The following KRT23 variants were observed in gnomAD, a reference collection of about 807,000 sequenced individuals.
The protein encoded by KRT23 is keratin 23, also known as keratin, type I cytoskeletal 23.
Under a neutral mutation model 47.6 loss-of-function variants are expected in KRT23, and 38 were observed. The ratio of observed to expected loss-of-function variants is 0.80; its 90% CI spans 0.62 to 1.05. KRT23 has a LOEUF of 1.05. Among genes scored for constraint, KRT23 ranks in the 50% least tolerant of loss-of-function variants. The pLI, the probability that KRT23 is intolerant of heterozygous loss-of-function variation, is 0.00. For missense variants in KRT23, 503 were observed against 529.5 expected (o/e 0.95, Z 0.49); for synonymous variants, 191 against 199.0 (o/e 0.96, Z 0.34).
intron 2 of KRT23, among the ~76,000 whole-genome samples, chr17:40,934,787 T>A (rs1320156861): frequency 6.6e-6 from 1 of 152,222 alleles, no homozygotes; most frequent in Non-Finnish European, 1.5e-5. Flanking sequence ...ACAGGGTTCT[T>A]GCAGAATCAA....
Position 40,922,930 on chromosome 17 carries a change from T to C in KRT23, c.*59A>G, listed in dbSNP as rs1407870093. 18 of 1,216,122 alleles carry C rather than the reference T, an allele frequency of 1.5e-5. No homozygotes were observed. The highest frequency in any genetic ancestry group is 1.7e-5 in the Non-Finnish European group (14 of 819,000). 75.3% of individuals were successfully genotyped at this position (1,216,122 alleles called of 1,614,324 possible). Reference sequence around the variant, plus strand: ...TTTAGAACTCACTCACTGGTGTCTGTGCAAGGACTTTCCTTGGGGGAAAAT... The same window carrying C: ...TTTAGAACTCACTCACTGGTGTCTGCGCAAGGACTTTCCTTGGGGGAAAAT... On this transcript the variant is annotated 3_prime_UTR_variant, in exon 9 of 9. Coordinates refer to ENST00000209718, the MANE Select transcript of KRT23 (RefSeq NM_015515.5).
At chr17:40,923,558 T>C (rs575856817) in intron 8 of KRT23, among the ~76,000 whole-genome samples, 1 of 152,360 alleles carries the variant, frequency 6.6e-6, no homozygotes, top group African/African-American at 2.4e-5. Context: ...TAAGTGCCTG[T>C]TGAAACATCA....
At chr17:40,924,906 T>C (rs1404356222) in intron 7 of KRT23, among the ~76,000 whole-genome samples, 1 of 152,200 alleles carries the variant, frequency 6.6e-6, no homozygotes, top group Non-Finnish European at 1.5e-5. Context: ...ATAGAATATA[T>C]ATGCCCTTTA....
At chr17:40,923,340 T>C (rs956706200) in intron 8 of KRT23, among the ~76,000 whole-genome samples, 8 of 152,202 alleles carry the variant, frequency 5.3e-5, no homozygotes, top group Non-Finnish European at 8.8e-5. Flanking sequence ...GTGCCTCATA[T>C]GGAACCTAGT....
At chr17:40,924,429 T>C (rs1909097878) in intron 8 of KRT23, 43 bp downstream of exon 8, 1 of 1,527,022 alleles carries the variant, frequency 6.5e-7, no homozygotes, top group East Asian at 2.2e-5. Flanking sequence ...ACCATGCTAA[T>C]TCCTTAAAAA....
chr17:40,929,078 G>A (rs1412366827), intron 4 of KRT23, among the ~76,000 whole-genome samples: 1 of 146,898 alleles, frequency 6.8e-6, no homozygotes, highest in Non-Finnish European at 1.5e-5. Flanking sequence ...TAATCAAATA[G>A]CCTCCATGAT....
intron 2 of KRT23, among the ~76,000 whole-genome samples, chr17:40,934,542 A>T (rs565911329): frequency 6.6e-6 from 1 of 152,318 alleles, no homozygotes; most frequent in Admixed American, 6.5e-5. Context: ...CACAGTTGTG[A>T]GGATTAAATG....
At chr17:40,924,649 A>G (rs1439050943) in intron 7 of KRT23, 146 bp from the exon 8 acceptor site, 29 of 673,090 alleles carry the variant, frequency 4.3e-5, no homozygotes, top group Admixed American at 2.6e-5. Flanking sequence ...TCTCAAGGTC[A>G]TGGGTTCACG....
At chr17:40,929,210 A>T (rs1458194123) in intron 4 of KRT23, among the ~76,000 whole-genome samples, 1 of 151,666 alleles carries the variant, frequency 6.6e-6, no homozygotes, top group African/African-American at 2.4e-5. Flanking sequence ...TGAACCTTAC[A>T]GGCTATAGGC....
At chr17:40,933,808 A>G (rs912525501) in intron 2 of KRT23, among the ~76,000 whole-genome samples, 4 of 152,248 alleles carry the variant, frequency 2.6e-5, no homozygotes, top group African/African-American at 9.6e-5. Flanking sequence ...GAGAAACGAT[A>G]TATGAGGCAT....
chr17:40,935,513 G>A (rs1172882839), intron 2 of KRT23, among the ~76,000 whole-genome samples: 1 of 152,002 alleles, frequency 6.6e-6, no homozygotes, highest in African/African-American at 2.4e-5. Context: ...TTTTGAACAA[G>A]GTCTTTATAG....
intron 2 of KRT23, among the ~76,000 whole-genome samples, chr17:40,933,115 TA>T (rs1240356937): frequency 6.6e-6 from 1 of 152,222 alleles, no homozygotes; most frequent in African/African-American, 2.4e-5. Flanking sequence ...CCTTTCTTTT[TA>T]AAAATCTAGC....
chr17:40,934,206 C>T (rs1265225009), intron 2 of KRT23, among the ~76,000 whole-genome samples: 1 of 152,162 alleles, frequency 6.6e-6, no homozygotes, highest in Non-Finnish European at 1.5e-5. Context: ...AATTGTGGGA[C>T]CTCCTTGCAC....
At chr17:40,924,135 C>T (rs778734923) in intron 8 of KRT23, among the ~76,000 whole-genome samples, 1 of 152,190 alleles carries the variant, frequency 6.6e-6, no homozygotes, top group Non-Finnish European at 1.5e-5. Flanking sequence ...TCATGGAACA[C>T]GAGTGTTCAA....
Position 40,936,570 on chromosome 17 carries a change from A to AG in KRT23, c.33dup (p.Ser12LeufsTer105). 1 of 1,519,606 alleles carries AG rather than the reference A, an allele frequency of 6.6e-7. No individual in the cohort carries two copies. Among genetic ancestry groups the AG allele is most frequent in the Non-Finnish European group, 8.8e-7 (1 of 1,136,990 alleles). 94.1% of individuals were successfully genotyped at this position (1,519,606 alleles called of 1,614,324 possible). The stretch of plus-strand genomic sequence containing the variant: ...CCTCCGGCGCCATGGAAGGAGGCCG[A>AG]GGGGGTCTGGCTGAAGCTGTGTCCG... On this transcript the variant is annotated frameshift_variant, in exon 2 of 9. Transcript: ENST00000209718. LOFTEE classifies it high-confidence loss of function.
intron 3 of KRT23, among the ~76,000 whole-genome samples, chr17:40,931,015 T>TTTC (rs1909629590): frequency 6.9e-6 from 1 of 144,554 alleles, no homozygotes; most frequent in Non-Finnish European, 1.5e-5. Flanking sequence ...AGTTTTCCTT[T>TTTC]TTTTTTTTTT....
intron 3 of KRT23, 114 bp downstream of exon 3, chr17:40,931,259 C>T (rs1909654376): frequency 1.4e-6 from 1 of 722,056 alleles, no homozygotes; most frequent in Admixed American, 2.0e-5. Flanking sequence ...ATCCGCCCGC[C>T]TTGGCCTCCC....
At chr17:40,923,199 C>G (rs918947928) in intron 8 of KRT23, 116 bp from the exon 9 acceptor site, 2 of 735,604 alleles carry the variant, frequency 2.7e-6, no homozygotes, top group South Asian at 3.3e-5. Context: ...TCCAAATGAT[C>G]ACTAAGCAAT....
intron 4 of KRT23, 45 bp downstream of exon 4, chr17:40,929,895 G>C: frequency 1.3e-6 from 2 of 1,588,922 alleles, no homozygotes; most frequent in Non-Finnish European, 1.7e-6. Context: ...GAGATGTGCA[G>C]GCTAAGAGCT....
Sources: allele counts gnomAD v4.1 joint callset (sites outside exome capture counted in the v4.1 genomes callset), GRCh38; gene constraint gnomAD v4.1.1; transcripts MANE v1.5; gene names NCBI Gene and HGNC (gene_info 2026-07-23, HGNC 2026-07-21).